The following USH2A variants were observed in gnomAD, a reference collection of about 807,000 sequenced individuals.
USH2A encodes Usher syndrome 2A (autosomal recessive, mild).
A neutral mutation model predicts 538.9 loss-of-function variants in USH2A; 443 were observed. That is an observed-to-expected ratio of 0.82 (90% CI 0.76 to 0.89). The LOEUF (loss-of-function observed/expected upper bound fraction) is 0.89. Among genes scored for constraint, USH2A ranks in the 40% least tolerant of loss-of-function variants. The pLI is 0.00. For missense variants in USH2A, 6,633 were observed against 6,324.8 expected (o/e 1.05, Z -1.65); for synonymous variants, 2,413 against 2,273.5 (o/e 1.06, Z -1.75).
Position 216,048,743 on chromosome 1 carries a change from G to C in USH2A, c.6050-96C>G, listed in dbSNP as rs539394529. ...TCTGTGTGTGTGTCTATAAGAGAGA[G>C]AGACAAAAACAAAGAGACCAGAGAC... is the stretch of plus-strand genomic sequence containing the variant. On this transcript the variant is annotated intron_variant, in intron 30 of 71. Transcript: ENST00000307340. 11 of 1,047,994 alleles carry C rather than the reference G, an allele frequency of 1.0e-5. No homozygotes were observed. The African/African-American group carries it at 1.6e-4, about 15-fold the overall frequency. 64.9% of individuals were successfully genotyped at this position (1,047,994 alleles called of 1,614,324 possible).
Position 215,650,667 on chromosome 1 carries a change from A to G in USH2A, c.14268T>C (p.Ser4756=), listed in dbSNP as rs1657032387. 1 of 1,614,030 alleles carries G rather than the reference A, an allele frequency of 6.2e-7. No individual in the cohort carries two copies. The highest frequency in any genetic ancestry group is 1.3e-5 in the African/African-American group (1 of 74,926). ...CGATCCCGTTGGGCTTCCCAGGGGC[A>G]CTGATGTTGACCACTGCTTGGGTAG... ...ISSTQAVVNI[S]APGKPNGIVS... The change falls in exon 65 of 72, where the codon AGT becomes AGC. Residue 4756 remains serine, a synonymous_variant. Transcript: ENST00000307340.
intron 14 of USH2A, among the ~76,000 whole-genome samples, chr1:216,231,106 T>C (rs2102519279): frequency 6.7e-6 from 1 of 149,884 alleles, no homozygotes; most frequent in East Asian, 2.0e-4. Flanking sequence ...AATACAAAGC[T>C]ATGTTTCTCA....
chr1:216,323,763 G>T, intron 7 of USH2A, 68 bp from the exon 8 acceptor site: 1 of 1,441,554 alleles, frequency 6.9e-7, no homozygotes, highest in Non-Finnish European at 9.7e-7. Flanking sequence ...AAATCAAAAT[G>T]TTGAGAAATT....
chr1:216,058,268 A>C (rs556860433), intron 30 of USH2A, among the ~76,000 whole-genome samples: 3 of 148,936 alleles, frequency 2.0e-5, no homozygotes, highest in Non-Finnish European at 4.5e-5. Flanking sequence ...TTAGGTTCTC[A>C]GTATCTCAAG....
At chr1:215,643,246 C>A (rs1006296412) in intron 67 of USH2A, among the ~76,000 whole-genome samples, 8 of 152,122 alleles carry the variant, frequency 5.3e-5, no homozygotes, top group Middle Eastern at 3.2e-3. Flanking sequence ...GATCTGCCCA[C>A]CTCTGCCTCC....
intron 10 of USH2A, among the ~76,000 whole-genome samples, chr1:216,291,071 C>T (rs922589116): frequency 6.6e-6 from 1 of 152,134 alleles, no homozygotes; most frequent in East Asian, 1.9e-4. Context: ...TACTTTATAA[C>T]CAGGTGTATC....
chr1:215,867,374 T>TA (rs1274009263), intron 43 of USH2A, among the ~76,000 whole-genome samples: 1 of 152,230 alleles, frequency 6.6e-6, no homozygotes, highest in African/African-American at 2.4e-5. Context: ...CTTGCCAGCA[T>TA]AAACCAAAAC....
chr1:216,328,294 T>A (rs1401072381), intron 4 of USH2A, among the ~76,000 whole-genome samples: 1 of 152,234 alleles, frequency 6.6e-6, no homozygotes, highest in East Asian at 1.9e-4. Flanking sequence ...CCAATCTACT[T>A]TGAATTAGGT....
intron 22 of USH2A, among the ~76,000 whole-genome samples, chr1:216,090,787 G>T (rs965713155): frequency 6.6e-6 from 1 of 152,102 alleles, no homozygotes; most frequent in African/African-American, 2.4e-5. Context: ...TTACTAGCAT[G>T]GGATGCTAAT....
intron 61 of USH2A, among the ~76,000 whole-genome samples, chr1:215,689,945 G>A (rs1447944376): frequency 1.3e-5 from 2 of 152,158 alleles, no homozygotes; most frequent in East Asian, 3.8e-4. Flanking sequence ...AAGCTACTAA[G>A]TTTGTTGTAC....
Position 215,786,717 on chromosome 1 carries a change from G to T in USH2A, c.10340C>A (p.Ala3447Asp). The change falls in exon 52 of 72, where the codon GCC (alanine) becomes GAC (aspartate). Residue 3447 changes from alanine to aspartate, a missense_variant. Physicochemically the swap from Ala to Asp is moderately radical, Grantham distance 126. Coordinates refer to ENST00000307340, the MANE Select transcript of USH2A (RefSeq NM_206933.4). ...KASIEEMCSS[A>D]EETIHTGSVN... ...ACTCCCTGTATGAATGGTTTCTTCG[G>T]CAGATGAACACATTTCTTCAATTGA... The T allele has an allele frequency of 6.2e-7, 1 of 1,613,964 alleles. No homozygotes were observed. Among genetic ancestry groups the T allele is most frequent in the Non-Finnish European group, 8.5e-7 (1 of 1,179,928 alleles).
chr1:216,050,834 T>C (rs1342582685), intron 30 of USH2A, among the ~76,000 whole-genome samples: 1 of 151,706 alleles, frequency 6.6e-6, no homozygotes, highest in Non-Finnish European at 1.5e-5. Flanking sequence ...CTCGATCTCC[T>C]GACCTCGTGA....
At chr1:216,368,561 G>A (rs924694416) in intron 3 of USH2A, among the ~76,000 whole-genome samples, 3 of 152,060 alleles carry the variant, frequency 2.0e-5, no homozygotes, top group Middle Eastern at 3.2e-3. Flanking sequence ...GCATCAACTC[G>A]GTACCCACAG....
Position 215,675,601 on chromosome 1 carries a change from T to C in USH2A, c.12310A>G (p.Ser4104Gly). ...NGVIKTYNIF[S>G]DGFLEYSGLN... ...CCAGAGTACTCCAGGAACCCGTCAC[T>C]GAAGATGTTGTATGTCTACAGAAGG... is the stretch of plus-strand genomic sequence containing the variant. Residue 4104 changes from serine (S) to glycine (G), a missense_variant, in exon 63 of 72, where the codon AGT (serine) becomes GGT (glycine). Coordinates refer to ENST00000307340, the MANE Select transcript of USH2A (RefSeq NM_206933.4). 1 of 1,614,172 alleles carries C rather than the reference T, an allele frequency of 6.2e-7. No individual in the cohort carries two copies. The highest frequency in any genetic ancestry group is 8.5e-7 in the Non-Finnish European group (1 of 1,180,018).
In USH2A at chr1:216,098,769, G is replaced by GATCACCAT. The variant is rs576755301; in HGVS notation, c.4628-1557_4628-1556insATGGTGAT. ...GACAATTAAAAAAATGTAATGCAAT[G>GATCACCAT]TGATAAATGGTATAGGGATGTATAC... On this transcript the variant is annotated intron_variant, in intron 21 of 71. Coordinates refer to ENST00000307340, the MANE Select transcript of USH2A (RefSeq NM_206933.4). Among the ~76,000 whole-genome samples, 1,188 of 152,312 alleles carry GATCACCAT rather than the reference G, an allele frequency of 7.8e-3. 8 individuals are homozygous for GATCACCAT. The highest frequency in any genetic ancestry group is 0.012 in the Non-Finnish European group (833 of 68,022).
At chr1:215,743,718 G>A (rs920127716) in intron 58 of USH2A, among the ~76,000 whole-genome samples, 1 of 150,942 alleles carries the variant, frequency 6.6e-6, no homozygotes, top group Non-Finnish European at 1.5e-5. Context: ...TACTCGGGAG[G>A]CTGAGGCAGG....
intron 21 of USH2A, among the ~76,000 whole-genome samples, chr1:216,133,551 G>A (rs996638062): frequency 1.3e-5 from 2 of 152,078 alleles, no homozygotes; most frequent in Admixed American, 1.3e-4. Flanking sequence ...CATTGTGATC[G>A]TTGACTGCTG....
Position 216,095,725 on chromosome 1 carries a change from A to C in USH2A, c.4758+1358T>G, listed in dbSNP as rs1443456106. ...TGCGGCTCTCCCAGCTTCATAAAGC[A>C]GGAGGACTTTGGCCTGCTTTTTGAG... On this transcript the variant is annotated intron_variant, in intron 22 of 71. Transcript: ENST00000307340. Among the ~76,000 whole-genome samples the C allele has an allele frequency of 2.0e-5, 3 of 152,150 alleles. No homozygotes were observed. In the East Asian group the frequency reaches 5.8e-4, roughly 29 times the overall value.
At chr1:216,014,909 A>T (rs1668669375) in intron 32 of USH2A, among the ~76,000 whole-genome samples, 1 of 152,216 alleles carries the variant, frequency 6.6e-6, no homozygotes, top group African/African-American at 2.4e-5. Context: ...TAAGTAGGTG[A>T]TGATTTTCTT....
Sources: allele counts gnomAD v4.1 joint callset (sites outside exome capture counted in the v4.1 genomes callset), GRCh38; gene constraint gnomAD v4.1.1; transcripts MANE v1.5; gene names NCBI Gene and HGNC (gene_info 2026-07-23, HGNC 2026-07-21).